The following JARID2 variants were observed in gnomAD, a reference collection of about 807,000 sequenced individuals.
The protein encoded by JARID2 is protein Jumonji.
In JARID2, 21 loss-of-function variants were observed where a neutral mutation model predicts 125.6. That is an observed-to-expected ratio of 0.17 (90% CI 0.12 to 0.24). The LOEUF (loss-of-function observed/expected upper bound fraction) is 0.24. Ranked by LOEUF, JARID2 falls within the 10% of genes least tolerant of loss-of-function variation. The pLI, the probability that JARID2 is intolerant of heterozygous loss-of-function variation, is 1.00. For synonymous variants in JARID2, 736 were observed against 661.6 expected (o/e 1.11, Z -1.73); for missense variants, 1,303 against 1,639.6 (o/e 0.79, Z 3.55).
At chr6:15,444,634 G>T (rs967943617) in intron 3 of JARID2, among the ~76,000 whole-genome samples, 1 of 151,112 alleles carries the variant, frequency 6.6e-6, no homozygotes, top group African/African-American at 2.4e-5. Context: ...TTTTGAATAG[G>T]CCTTTCAGCA....
chr6:15,418,557 C>G (rs1288498905), intron 3 of JARID2, among the ~76,000 whole-genome samples: 1 of 152,174 alleles, frequency 6.6e-6, no homozygotes, highest in Admixed American at 6.5e-5. Context: ...TGTGTACTAA[C>G]AGACTTTAAA....
intron 5 of JARID2, among the ~76,000 whole-genome samples, chr6:15,472,015 A>T (rs1005348059): frequency 2.3e-4 from 35 of 151,950 alleles, no homozygotes; most frequent in South Asian, 1.0e-3. Context: ...TTATTTAAAA[A>T]TTTTTTTAAT....
chr6:15,465,844 C>T (rs1221284997), intron 4 of JARID2, among the ~76,000 whole-genome samples: 1 of 151,648 alleles, frequency 6.6e-6, no homozygotes, highest in Non-Finnish European at 1.5e-5. Flanking sequence ...TGTTCTGTCG[C>T]CCAGCCTGGA....
intron 4 of JARID2, among the ~76,000 whole-genome samples, chr6:15,455,192 C>CAAAAA (rs36088738): frequency 1.9e-4 from 25 of 128,706 alleles, no homozygotes; most frequent in African/African-American, 6.8e-4. Context: ...CACTTTGTCT[C>CAAAAA]AAAAAAAAAA....
At position 15,258,832 on chromosome 6, in the gene JARID2, A is replaced by G. The variant is rs539180129; in HGVS notation, c.45+12248A>G. Among the ~76,000 whole-genome samples the G allele has an allele frequency of 4.6e-5, 7 of 152,358 alleles. No individual in the cohort carries two copies. In the East Asian group the frequency reaches 9.7e-4, roughly 21 times the overall value. On this transcript the variant is annotated intron_variant, in intron 1 of 17. Coordinates refer to ENST00000341776, the MANE Select transcript of JARID2 (RefSeq NM_004973.4). ...CAACTGTGACTATTTAGACCATGTT[A>G]TTATAAGTCTTACAGATTCTTGTGG...
chr6:15,246,898 C>T (rs1337842112), intron 1 of JARID2, among the ~76,000 whole-genome samples: 1 of 152,184 alleles, frequency 6.6e-6, no homozygotes, highest in East Asian at 1.9e-4. Context: ...TGTAACTAAA[C>T]TGCATTCTCA....
At chr6:15,328,860 A>G (rs707829) in intron 1 of JARID2, among the ~76,000 whole-genome samples, 132,912 of 152,270 alleles carry the variant, frequency 0.87, 58,032 homozygotes, top group South Asian at 0.93. Flanking sequence ...AGTGCAAAGG[A>G]CCCTTCCTTA....
intron 3 of JARID2, among the ~76,000 whole-genome samples, chr6:15,416,697 ACC>A (rs1766240008): frequency 8.9e-6 from 1 of 112,786 alleles, no homozygotes; most frequent in African/African-American, 4.1e-5. Flanking sequence ...GGAGAGGGAG[ACC>A]GTGGGGAGAG....
intron 1 of JARID2, among the ~76,000 whole-genome samples, chr6:15,364,130 G>A (rs888339811): frequency 5.9e-5 from 9 of 151,902 alleles, no homozygotes; most frequent in Non-Finnish European, 1.2e-4. Flanking sequence ...GGTAGTTATT[G>A]TTCAACCAAA....
At chr6:15,260,547 T>A (rs552941943) in intron 1 of JARID2, among the ~76,000 whole-genome samples, 1 of 152,336 alleles carries the variant, frequency 6.6e-6, no homozygotes, top group South Asian at 2.1e-4. Flanking sequence ...CGGGAAATAC[T>A]TGTCTCAAAT....
chr6:15,311,238 C>T (rs1404856212), intron 1 of JARID2, among the ~76,000 whole-genome samples: 1 of 152,136 alleles, frequency 6.6e-6, no homozygotes, highest in East Asian at 1.9e-4. Context: ...CACCTTGTAC[C>T]AGTCTTGGGC....
chr6:15,323,921 G>T (rs529652884), intron 1 of JARID2, among the ~76,000 whole-genome samples: 5 of 151,990 alleles, frequency 3.3e-5, no homozygotes, highest in African/African-American at 4.8e-5. Context: ...GGTGGCTCAT[G>T]CCTGTAATCC....
At position 15,449,959 on chromosome 6, in the gene JARID2, A is replaced by G. The variant is rs1317459366; in HGVS notation, c.324-2047A>G. 2.0e-5 allele frequency among the ~76,000 whole-genome samples: 3 copies of G among 152,166 alleles called. No individual in the cohort carries two copies. In the East Asian group the frequency reaches 5.8e-4, roughly 29 times the overall value. On this transcript the variant is annotated intron_variant, in intron 3 of 17. Coordinates refer to ENST00000341776, the MANE Select transcript of JARID2 (RefSeq NM_004973.4). The stretch of plus-strand genomic sequence containing the variant: ...ATTTCGGGAGTGTGGAGGATTTATG[A>G]GGTTAAATTTAAAGGTATTAGTTTT...
chr6:15,280,493 C>G (rs1760708776), intron 1 of JARID2, among the ~76,000 whole-genome samples: 1 of 152,164 alleles, frequency 6.6e-6, no homozygotes, highest in African/African-American at 2.4e-5. Flanking sequence ...CTTTTACATT[C>G]TTTATGTGGA....
At chr6:15,500,143 A>C (rs1008888883) in intron 7 of JARID2, among the ~76,000 whole-genome samples, 6 of 152,050 alleles carry the variant, frequency 3.9e-5, no homozygotes, top group African/African-American at 1.2e-4. Context: ...TAGAAAAGCC[A>C]CTGGGCGCGC....
At chr6:15,514,657 A>G (rs1463855663) in intron 16 of JARID2, among the ~76,000 whole-genome samples, 1 of 151,838 alleles carries the variant, frequency 6.6e-6, no homozygotes, top group Non-Finnish European at 1.5e-5. Flanking sequence ...AGGGCTTTGT[A>G]ACATTTGAAA....
At position 15,468,764 on chromosome 6, in the gene JARID2, G is replaced by A. The variant is rs199637946; in HGVS notation, c.670+46G>A. On this transcript the variant is annotated intron_variant, in intron 5 of 17. Coordinates refer to ENST00000341776, the MANE Select transcript of JARID2 (RefSeq NM_004973.4). ...GGATAAGAAAAAATCTAAAGCTTTG[G>A]GTGAGAGCTGGAAGAGAGCCTCTGC... 1.5e-4 allele frequency: 233 copies of A among 1,560,902 alleles called. No individual in the cohort carries two copies. The African/African-American group carries it at 2.9e-3, about 19-fold the overall frequency.
chr6:15,493,500 CT>C (rs1770256605), intron 6 of JARID2, among the ~76,000 whole-genome samples: 2 of 152,160 alleles, frequency 1.3e-5, no homozygotes, highest in South Asian at 4.1e-4. Flanking sequence ...TGTCCGTCTC[CT>C]TAAGGAGACT....
At chr6:15,276,884 T>G (rs1158356289) in intron 1 of JARID2, among the ~76,000 whole-genome samples, 1 of 152,094 alleles carries the variant, frequency 6.6e-6, no homozygotes, top group Non-Finnish European at 1.5e-5. Flanking sequence ...TTTGATTGTG[T>G]TTTTGGACCT....
Sources: gnomAD v4.1 joint callset for allele counts (sites outside exome capture counted in the v4.1 genomes callset) on GRCh38, gnomAD v4.1.1 for gene constraint, MANE v1.5 for transcripts, NCBI Gene and HGNC (gene_info 2026-07-23, HGNC 2026-07-21) for gene names.